Variants in SPAG6 observed in about 807,000 individuals in gnomAD.
The protein encoded by SPAG6 is sperm associated antigen 6, also known as sperm-associated antigen 6.
A neutral mutation model predicts 58.5 loss-of-function variants in SPAG6; 49 were observed. The ratio of observed to expected loss-of-function variants is 0.84; its 90% CI spans 0.67 to 1.06. SPAG6 has a LOEUF of 1.06. SPAG6 is among the 50% of genes least tolerant of loss of function. SPAG6 has a pLI of 0.00. For synonymous variants in SPAG6, 233 were observed against 225.6 expected (o/e 1.03, Z -0.29); for missense variants, 560 against 611.3 (o/e 0.92, Z 0.89).
At chr10:22,412,563 A>T in intron 10 of SPAG6, 8 of 1,010,446 alleles carry the variant, frequency 7.9e-6, no homozygotes, top group Non-Finnish European at 1.0e-5. Flanking sequence ...ACATCAAAGC[A>T]GTGATATATC....
At chr10:22,413,488 G>T (rs1003527665) in intron 10 of SPAG6, among the ~76,000 whole-genome samples, 4 of 151,782 alleles carry the variant, frequency 2.6e-5, no homozygotes, top group Non-Finnish European at 4.4e-5. Flanking sequence ...AGCCGAGATT[G>T]TGCCACTGCA....
At position 22,346,040 on chromosome 10, in the gene SPAG6, C is replaced by T. The variant is rs1039986324; in HGVS notation, c.121+222C>T. On this transcript the variant is annotated intron_variant, in intron 2 of 10. Transcript: ENST00000376624. ...GTTGTCCCTGTTTCCATCTTCATTGCACACAGGCAAGTGTCAGGTTGAAAG... is the reference window on the plus strand; with the variant it reads ...GTTGTCCCTGTTTCCATCTTCATTGTACACAGGCAAGTGTCAGGTTGAAAG... 22 of 1,539,476 alleles carry T rather than the reference C, an allele frequency of 1.4e-5. No homozygotes were observed. In the South Asian group the frequency reaches 1.9e-4, roughly 13 times the overall value.
intron 8 of SPAG6, among the ~76,000 whole-genome samples, chr10:22,396,277 G>GT (rs1488541940): frequency 2.6e-5 from 4 of 152,138 alleles, no homozygotes; most frequent in Non-Finnish European, 5.9e-5. Context: ...CATGGGTGTG[G>GT]TTTCCCCCAT....
chr10:22,377,229 CA>C (rs1189694787), intron 4 of SPAG6, among the ~76,000 whole-genome samples: 1 of 152,140 alleles, frequency 6.6e-6, no homozygotes, highest in African/African-American at 2.4e-5. Flanking sequence ...GGCTTCCCAG[CA>C]ATGACGAGAT....
At chr10:22,352,310 T>C (rs1255733829) in intron 2 of SPAG6, among the ~76,000 whole-genome samples, 2 of 152,182 alleles carry the variant, frequency 1.3e-5, no homozygotes, top group Non-Finnish European at 2.9e-5. Flanking sequence ...TAAAGTATAT[T>C]CATAGGCTAG....
chr10:22,415,516 G>A (rs976537021), intron 10 of SPAG6, among the ~76,000 whole-genome samples: 4 of 152,124 alleles, frequency 2.6e-5, no homozygotes, highest in Non-Finnish European at 4.4e-5. Flanking sequence ...GCTGTTAGGG[G>A]AGAAACATTC....
At chr10:22,393,427 T>C (rs773725768) in intron 8 of SPAG6, among the ~76,000 whole-genome samples, 5 of 152,186 alleles carry the variant, frequency 3.3e-5, no homozygotes, top group Non-Finnish European at 7.4e-5. Context: ...TTTTATATAC[T>C]ACTACCTTAT....
intron 4 of SPAG6, among the ~76,000 whole-genome samples, chr10:22,372,525 C>T (rs1833723320): frequency 6.6e-6 from 1 of 152,104 alleles, no homozygotes; most frequent in East Asian, 1.9e-4. Flanking sequence ...AGGCTCCAGG[C>T]CCTCCTCCCC....
intron 2 of SPAG6, 134 bp from the exon 3 acceptor site, chr10:22,364,719 A>G (rs1588642354): frequency 1.7e-6 from 1 of 594,376 alleles, no homozygotes; most frequent in Non-Finnish European, 2.8e-6. Context: ...CTAAATTTCC[A>G]TTAGTTTATG....
At chr10:22,367,008 G>T (rs1428174468) in intron 3 of SPAG6, among the ~76,000 whole-genome samples, 2 of 149,812 alleles carry the variant, frequency 1.3e-5, no homozygotes, top group African/African-American at 4.9e-5. Context: ...GGTTTTGCTG[G>T]GTTTTTTTTT....
In SPAG6 at chr10:22,389,152, T is replaced by C. The variant is rs778708723; in HGVS notation, c.853-8T>C. The C allele has an allele frequency of 1.3e-5, 21 of 1,612,546 alleles. No individual in the cohort carries two copies. Among genetic ancestry groups the C allele is most frequent in the Non-Finnish European group, 1.8e-5 (21 of 1,179,060 alleles). Reference sequence around the variant, plus strand: ...CCTGGTGATCTAACTCTTGTTCCCATCGCTTAGCTTTCACAGCTGGTAGTT... The same window carrying C: ...CCTGGTGATCTAACTCTTGTTCCCACCGCTTAGCTTTCACAGCTGGTAGTT... On this transcript the variant is annotated splice_polypyrimidine_tract_variant and splice_region_variant and intron_variant, in intron 6 of 10. Coordinates refer to ENST00000376624, the MANE Select transcript of SPAG6 (RefSeq NM_012443.4).
intron 4 of SPAG6, among the ~76,000 whole-genome samples, chr10:22,370,518 C>T (rs1431497769): frequency 6.6e-6 from 1 of 152,160 alleles, no homozygotes; most frequent in East Asian, 1.9e-4. Context: ...TCACTAAATA[C>T]TTCCTGAAAC....
At chr10:22,352,016 C>G (rs1836740003) in intron 2 of SPAG6, among the ~76,000 whole-genome samples, 1 of 151,934 alleles carries the variant, frequency 6.6e-6, no homozygotes, top group Non-Finnish European at 1.5e-5. Context: ...AAAAATTAGC[C>G]GGGCGTGGTG....
chr10:22,346,313 T>C (rs1365317938), intron 2 of SPAG6, among the ~76,000 whole-genome samples: 1 of 151,960 alleles, frequency 6.6e-6, no homozygotes, highest in Non-Finnish European at 1.5e-5. Context: ...GAAATCCTTA[T>C]GGCGCGTTCC....
chr10:22,389,044 T>C, intron 6 of SPAG6, 116 bp from the exon 7 acceptor site: 1 of 752,170 alleles, frequency 1.3e-6, no homozygotes, highest in Non-Finnish European at 2.1e-6. Context: ...TTTCACTAAA[T>C]GATAATTCAA....
At chr10:22,414,924 G>A (rs1463117820) in intron 10 of SPAG6, among the ~76,000 whole-genome samples, 2 of 152,106 alleles carry the variant, frequency 1.3e-5, no homozygotes, top group Admixed American at 1.3e-4. Context: ...GCGCCACCAT[G>A]CCCAGCTAAT....
At chr10:22,411,639 G>T (rs1041861018) in intron 10 of SPAG6, 33 of 152,292 alleles carry the variant, frequency 2.2e-4, no homozygotes, top group African/African-American at 6.3e-4. Flanking sequence ...ACCCCAAAAT[G>T]ATGTTTATTA....
At position 22,416,902 on chromosome 10, in the gene SPAG6, C is replaced by T. The variant is rs1564385347; in HGVS notation, c.*214C>T. On this transcript the variant is annotated 3_prime_UTR_variant, in exon 11 of 11. Transcript: ENST00000376624. The stretch of plus-strand genomic sequence containing the variant: ...GTCATTCGCATGCATAGGATTTGTT[C>T]TACAGGTAGATTTTAAAAACACGTT... 5.2e-6 allele frequency: 2 copies of T among 383,970 alleles called. No homozygotes were observed. Among genetic ancestry groups the T allele is most frequent in the Non-Finnish European group, 9.5e-6 (2 of 210,328 alleles). The allele number at this position is 383,970 out of a possible 1,614,324, so 23.8% of individuals were successfully genotyped here.
At chr10:22,350,934 C>T (rs1416295327) in intron 2 of SPAG6, among the ~76,000 whole-genome samples, 1 of 152,192 alleles carries the variant, frequency 6.6e-6, no homozygotes, top group Non-Finnish European at 1.5e-5. Context: ...TAATTGTTCT[C>T]TTCACAAAGT....
Sources: gnomAD v4.1 joint callset for allele counts (sites outside exome capture counted in the v4.1 genomes callset) on GRCh38, gnomAD v4.1.1 for gene constraint, MANE v1.5 for transcripts, NCBI Gene and HGNC (gene_info 2026-07-23, HGNC 2026-07-21) for gene names.